KATNBL1: variants seen among roughly 807,000 people sequenced by gnomAD.
KATNBL1 encodes the protein katanin regulatory subunit B1 like 1, also known as KATNB1-like protein 1.
In KATNBL1, 28 loss-of-function variants were observed where a neutral mutation model predicts 44.7. The ratio of observed to expected loss-of-function variants is 0.63; its 90% CI spans 0.46 to 0.86. The LOEUF (loss-of-function observed/expected upper bound fraction) is 0.86. Among genes scored for constraint, KATNBL1 ranks in the 40% least tolerant of loss-of-function variants. The pLI is 0.00. For synonymous variants in KATNBL1, 78 were observed against 114.9 expected (o/e 0.68, Z 2.06); for missense variants, 272 against 350.7 (o/e 0.78, Z 1.79).
chr15:34,170,059 A>G (rs1223892699), intron 1 of KATNBL1, among the ~76,000 whole-genome samples: 1 of 152,196 alleles, frequency 6.6e-6, no homozygotes, highest in Non-Finnish European at 1.5e-5. Flanking sequence ...CACCACTCCT[A>G]TTCAACACAG....
rs551711293 is a variant in KATNBL1, at chr15:34,198,815, A to G, written c.-15+11136T>C. 2.6e-5 allele frequency among the ~76,000 whole-genome samples: 4 copies of G among 152,362 alleles called. No individual in the cohort carries two copies. The South Asian group carries it at 8.3e-4, about 32-fold the overall frequency. On this transcript the variant is annotated intron_variant, in intron 1 of 9. Coordinates refer to ENST00000256544, the MANE Select transcript of KATNBL1 (RefSeq NM_024713.3). ...GGGAAGCAAAGACTTGTAGTCAAAA[A>G]GTAACAAGGTAAATGGAATGTTAAA...
chr15:34,203,852 G>A (rs1181593916), intron 1 of KATNBL1, among the ~76,000 whole-genome samples: 2 of 151,904 alleles, frequency 1.3e-5, no homozygotes, highest in African/African-American at 2.4e-5. Context: ...GATACAGGGA[G>A]GGGAACATCA....
At chr15:34,160,748 C>T (rs1013170674) in intron 2 of KATNBL1, among the ~76,000 whole-genome samples, 2 of 151,950 alleles carry the variant, frequency 1.3e-5, no homozygotes, top group African/African-American at 4.8e-5. Flanking sequence ...GGGGTATTTC[C>T]CATCTTGATG....
At chr15:34,176,915 C>T (rs1242558861) in intron 1 of KATNBL1, among the ~76,000 whole-genome samples, 3 of 151,902 alleles carry the variant, frequency 2.0e-5, no homozygotes, top group African/African-American at 7.3e-5. Context: ...GACAATGTAA[C>T]TAAAACTACT....
At chr15:34,170,461 T>C (rs1269431455) in intron 1 of KATNBL1, among the ~76,000 whole-genome samples, 2 of 152,184 alleles carry the variant, frequency 1.3e-5, no homozygotes, top group Admixed American at 6.5e-5. Flanking sequence ...TGGAAGAACA[T>C]TCCATGCTCA....
chr15:34,162,504 G>A (rs1597436314), intron 2 of KATNBL1, among the ~76,000 whole-genome samples: 1 of 152,250 alleles, frequency 6.6e-6, no homozygotes, highest in Admixed American at 6.5e-5. Flanking sequence ...GCATGAAAAC[G>A]GAATAATACA....
intron 2 of KATNBL1, among the ~76,000 whole-genome samples, chr15:34,159,639 T>C (rs563490315): frequency 6.6e-6 from 1 of 152,348 alleles, no homozygotes; most frequent in East Asian, 1.9e-4. Context: ...GTAACCTTCC[T>C]TGATTCCCAT....
chr15:34,191,049 T>C (rs1442800101), intron 1 of KATNBL1, among the ~76,000 whole-genome samples: 1 of 151,824 alleles, frequency 6.6e-6, no homozygotes, highest in Non-Finnish European at 1.5e-5. Context: ...GCTTAGATCC[T>C]AGTTTAAAAA....
At chr15:34,197,210 T>C (rs1638594149) in intron 1 of KATNBL1, among the ~76,000 whole-genome samples, 1 of 152,264 alleles carries the variant, frequency 6.6e-6, no homozygotes, top group South Asian at 2.1e-4. Context: ...TAGTTTGCTT[T>C]TGAAAAATTT....
At chr15:34,201,237 C>T (rs149297142) in intron 1 of KATNBL1, among the ~76,000 whole-genome samples, 2 of 152,192 alleles carry the variant, frequency 1.3e-5, no homozygotes, top group Non-Finnish European at 2.9e-5. Flanking sequence ...TGGACCTACA[C>T]AGGCTTTTTA....
rs12900468 is a variant in KATNBL1, at chr15:34,181,712, G to A, written c.-14-18022C>T. ...TGTCCATATATATATCCATATATAT[G>A]GACATATATATGTCCATATATACAC... is the stretch of plus-strand genomic sequence containing the variant. On this transcript the variant is annotated intron_variant, in intron 1 of 9. Coordinates refer to ENST00000256544, the MANE Select transcript of KATNBL1 (RefSeq NM_024713.3). Among the ~76,000 whole-genome samples, 21 of 8,778 alleles carry A rather than the reference G, an allele frequency of 2.4e-3. 5 individuals are homozygous for A. Among genetic ancestry groups the A allele is most frequent in the African/African-American group, 8.6e-3 (18 of 2,098 alleles). The allele number at this position is 8,778 out of a possible 152,430, so 5.8% of individuals were successfully genotyped here.
chr15:34,154,129 A>G (rs1888565613), intron 3 of KATNBL1, among the ~76,000 whole-genome samples: 1 of 152,236 alleles, frequency 6.6e-6, no homozygotes. Flanking sequence ...CTGTGATATC[A>G]AATGGCATAT....
intron 1 of KATNBL1, among the ~76,000 whole-genome samples, chr15:34,170,648 G>C (rs1452114396): frequency 1.3e-5 from 2 of 152,256 alleles, no homozygotes; most frequent in African/African-American, 4.8e-5. Flanking sequence ...TAAGCAAAAA[G>C]AACAAAGCTG....
intron 1 of KATNBL1, among the ~76,000 whole-genome samples, chr15:34,202,523 C>T (rs1661500225): frequency 6.6e-6 from 1 of 152,162 alleles, no homozygotes; most frequent in African/African-American, 2.4e-5. Context: ...AGTGGTTGGG[C>T]ACCACCATAT....
At chr15:34,194,292 A>C (rs1889973088) in intron 1 of KATNBL1, among the ~76,000 whole-genome samples, 2 of 151,936 alleles carry the variant, frequency 1.3e-5, no homozygotes, top group Admixed American at 6.6e-5. Context: ...ATTTTCCTAC[A>C]TGTTAAAAGA....
At position 34,146,755 on chromosome 15, in the gene KATNBL1, A is replaced by G; in HGVS notation, c.788+6T>C. On this transcript the variant is annotated splice_donor_region_variant and intron_variant, in intron 8 of 9. Transcript: ENST00000256544. The stretch of plus-strand genomic sequence containing the variant: ...AGCATGAGTTTATCTTTAAAGGTAT[A>G]CTCACCCATCATTTATAATTTCTGT... 3.3e-6 allele frequency: 5 copies of G among 1,523,766 alleles called. No individual in the cohort carries two copies. The highest frequency in any genetic ancestry group is 1.1e-5 in the South Asian group (1 of 89,092). The allele number at this position is 1,523,766 out of a possible 1,614,324, so 94.4% of individuals were successfully genotyped here. A position where few individuals can be genotyped will look rare whatever the true frequency, so the allele number is the denominator to read the frequency against.
chr15:34,193,166 G>A (rs892753364), intron 1 of KATNBL1, among the ~76,000 whole-genome samples: 16 of 135,986 alleles, frequency 1.2e-4, no homozygotes, highest in Non-Finnish European at 2.4e-4. Flanking sequence ...GCAGTGAACC[G>A]AGATCGCGCC....
intron 4 of KATNBL1, among the ~76,000 whole-genome samples, chr15:34,151,602 C>A (rs1272219506): frequency 6.6e-6 from 1 of 151,698 alleles, no homozygotes; most frequent in Admixed American, 6.6e-5. Flanking sequence ...CAGGCGTGCA[C>A]CACCACGCCT....
chr15:34,171,167 A>T (rs1003746919), intron 1 of KATNBL1, among the ~76,000 whole-genome samples: 5 of 152,234 alleles, frequency 3.3e-5, no homozygotes, highest in African/African-American at 1.2e-4. Flanking sequence ...AACGGGAGAA[A>T]ATTTTTGCAA....
Sources: allele counts gnomAD v4.1 joint callset (sites outside exome capture counted in the v4.1 genomes callset), GRCh38; gene constraint gnomAD v4.1.1; transcripts MANE v1.5; gene names NCBI Gene and HGNC (gene_info 2026-07-23, HGNC 2026-07-21).